Variants in HUWE1 observed in about 807,000 individuals in gnomAD.
HUWE1 encodes the protein HECT, UBA and WWE domain containing E3 ubiquitin protein ligase 1.
Under a neutral mutation model 299.4 loss-of-function variants are expected in HUWE1, and 18 were observed. The observed-to-expected ratio is 0.06, with a 90% CI of 0.04 to 0.09. HUWE1 has a LOEUF of 0.09. Ranked by LOEUF, HUWE1 falls within the 10% of genes least tolerant of loss-of-function variation. The pLI, the probability that HUWE1 is intolerant of heterozygous loss-of-function variation, is 1.00. For missense variants in HUWE1, 1,832 were observed against 3,462.3 expected (o/e 0.53, Z 11.82); for synonymous variants, 1,317 against 1,286.1 (o/e 1.02, Z -0.51).
At chrX:53,570,155 C>T (rs1467123191) in intron 47 of HUWE1, among the ~76,000 whole-genome samples, 3 of 111,566 alleles carry the variant, frequency 2.7e-5, no homozygotes, top group Non-Finnish European at 5.7e-5. Context: ...GCTATATTGC[C>T]CAGGCCAGAG....
intron 22 of HUWE1, among the ~76,000 whole-genome samples, chrX:53,615,042 C>T (rs1212012621): frequency 2.3e-5 from 2 of 86,090 alleles, no homozygotes; most frequent in East Asian, 7.4e-4. Context: ...ATTTCAACAA[C>T]AATTCTAAAA....
At position 53,631,601 on chromosome X, in the gene HUWE1, G is replaced by A. The variant is rs782119109; in HGVS notation, c.659C>T (p.Thr220Ile). 12 of 1,187,426 alleles carry A rather than the reference G, an allele frequency of 1.0e-5. No homozygotes were observed. The African/African-American group carries it at 1.2e-4, about 12-fold the overall frequency. Residue 220 changes from threonine to isoleucine, a missense_variant, in exon 10 of 84, where the codon ACA becomes ATA. By Grantham distance (89) the Thr-to-Ile change is moderately conservative (BLOSUM62 -1). This residue lies in a region of HUWE1 where 658 missense variants were observed against 1,282.6 expected (regional missense o/e 0.51). Coordinates refer to ENST00000262854, the MANE Select transcript of HUWE1 (RefSeq NM_031407.7). ...VKIEKRTTSN[T>I]LHYIHIEQLD... is the part of the protein sequence containing the mutation. ...TTGCTCTATGTGAATATAATGTAGT[G>A]TGTTACTAGTTGTCTAAAATTAAAA... is the stretch of plus-strand genomic sequence containing the variant.
chrX:53,578,368 C>G (rs1556961790), intron 43 of HUWE1, among the ~76,000 whole-genome samples: 1 of 103,977 alleles, frequency 9.6e-6, no homozygotes, highest in African/African-American at 3.6e-5. Flanking sequence ...GGGGGTCAGC[C>G]CCCCGCCCGG....
rs1172121086 is a variant in HUWE1 at position 53,539,842 on chromosome X, GT to G, written c.11477-31del. 2.5e-6 allele frequency: 3 copies of G among 1,187,491 alleles called. No individual in the cohort carries two copies. In the African/African-American group the frequency reaches 5.2e-5, roughly 21 times the overall value. ...AGGGCACACAGAAGAGAGTCAGAAA[GT>G]CTTCAAAATTTCCCTTCTGCTTAGA... On this transcript the variant is annotated intron_variant, in intron 74 of 83. Transcript: ENST00000262854.
At chrX:53,548,741 C>T (rs181907634) in intron 67 of HUWE1, among the ~76,000 whole-genome samples, 2 of 112,284 alleles carry the variant, frequency 1.8e-5, no homozygotes, top group African/African-American at 3.2e-5. Flanking sequence ...AATCATACAG[C>T]CCAGTTGTTT....
chrX:53,654,407 A>C (rs1410581010), intron 3 of HUWE1, among the ~76,000 whole-genome samples: 2 of 111,708 alleles, frequency 1.8e-5, no homozygotes, highest in East Asian at 5.6e-4. Flanking sequence ...AGCATCTCAA[A>C]CTCTTAATTG....
chrX:53,631,110 A>C, intron 11 of HUWE1, 76 bp from the exon 12 acceptor site: 2 of 650,719 alleles, frequency 3.1e-6, no homozygotes, highest in African/African-American at 4.3e-5. Context: ...CTAACTCAAA[A>C]AACAACACAA....
At chrX:53,627,122 A>G (rs958984355) in intron 17 of HUWE1, among the ~76,000 whole-genome samples, 1 of 111,656 alleles carries the variant, frequency 9.0e-6, no homozygotes, top group African/African-American at 3.3e-5. Flanking sequence ...ATAAGACAAT[A>G]AGAAATACAT....
At chrX:53,649,939 G>A (rs2068341015) in intron 4 of HUWE1, among the ~76,000 whole-genome samples, 1 of 112,131 alleles carries the variant, frequency 8.9e-6, no homozygotes, top group African/African-American at 3.2e-5. Flanking sequence ...ATGTAGAATA[G>A]CTGGTGGCAG....
At chrX:53,586,598 G>T in intron 38 of HUWE1, 27 bp from the exon 39 acceptor site, 10 of 1,139,056 alleles carry the variant, frequency 8.8e-6, no homozygotes, top group Non-Finnish European at 1.2e-5. Flanking sequence ...ATCTGTTTTG[G>T]GAAAGCAAGA....
chrX:53,659,102 G>A (rs1432879668), intron 3 of HUWE1, among the ~76,000 whole-genome samples: 1 of 112,700 alleles, frequency 8.9e-6, no homozygotes, highest in African/African-American at 3.2e-5. Flanking sequence ...ATTGCTGGTG[G>A]GAATGCAAAA....
At chrX:53,588,581 T>C (rs1556975664) in intron 36 of HUWE1, 47 bp from the exon 37 acceptor site, 2 of 1,135,007 alleles carry the variant, frequency 1.8e-6, no homozygotes. Context: ...CAGAGCAAGA[T>C]GAGGTTTCTG....
intron 2 of HUWE1, among the ~76,000 whole-genome samples, 178 bp from the exon 3 acceptor site, chrX:53,680,364 C>G (rs2070064791): frequency 1.8e-5 from 2 of 112,150 alleles, no homozygotes; most frequent in Non-Finnish European, 3.8e-5. Flanking sequence ...CTGAGGAATT[C>G]AGAACCAACA....
chrX:53,636,659 T>C (rs1473520821), intron 7 of HUWE1, among the ~76,000 whole-genome samples: 1 of 111,569 alleles, frequency 9.0e-6, no homozygotes, highest in African/African-American at 3.3e-5. Context: ...GAGGCAGAGG[T>C]TGCAGTGAGC....
chrX:53,538,720 ACACACTCT>A (rs1241022852), intron 76 of HUWE1, 107 bp downstream of exon 76: 67 of 563,553 alleles, frequency 1.2e-4, no homozygotes, highest in Non-Finnish European at 1.4e-4. Context: ...ACACACACAC[ACACACTCT>A]CTCTCTCTCT....
intron 7 of HUWE1, among the ~76,000 whole-genome samples, chrX:53,642,056 A>C (rs1397617372): frequency 9.0e-6 from 1 of 111,565 alleles, no homozygotes; most frequent in East Asian, 2.8e-4. Flanking sequence ...ACTGATGATA[A>C]AGTTTAATAT....
chrX:53,563,595 A>G, intron 52 of HUWE1, 151 bp downstream of exon 52: 1 of 620,284 alleles, frequency 1.6e-6, no homozygotes, highest in Non-Finnish European at 2.6e-6. Context: ...TGAATTTCTC[A>G]TCTGTAAGAC....
intron 27 of HUWE1, among the ~76,000 whole-genome samples, chrX:53,602,942 C>T (rs944383101): frequency 9.3e-5 from 10 of 107,969 alleles, no homozygotes; most frequent in African/African-American, 3.4e-4. Flanking sequence ...ACCTCCACCT[C>T]CGGGGTTCAA....
At chrX:53,589,187 T>C (rs1222867842) in intron 36 of HUWE1, among the ~76,000 whole-genome samples, 1 of 112,008 alleles carries the variant, frequency 8.9e-6, no homozygotes, top group Non-Finnish European at 1.9e-5. Context: ...AGAGGACAAA[T>C]ATCAGGTCAC....
Sources: allele counts gnomAD v4.1 joint callset (sites outside exome capture counted in the v4.1 genomes callset), GRCh38; gene constraint gnomAD v4.1.1; regional missense constraint gnomAD v4.1.1; transcripts MANE v1.5; gene names NCBI Gene and HGNC (gene_info 2026-07-23, HGNC 2026-07-21).